RIC1: variants seen among roughly 807,000 people sequenced by gnomAD.
RIC1 encodes the protein RIC1 partner of RAB6A GEF complex, also known as guanine nucleotide exchange factor subunit RIC1.
RIC1 carries 88 observed loss-of-function variants against 169.0 expected under a neutral mutation model. The observed-to-expected ratio is 0.52, with a 90% CI of 0.44 to 0.62. The LOEUF is 0.62. Ranked by LOEUF, RIC1 falls within the 20% of genes least tolerant of loss-of-function variation. RIC1 has a pLI of 0.00. For synonymous variants in RIC1, 790 were observed against 601.5 expected (o/e 1.31, Z -4.59); for missense variants, 1,877 against 1,725.5 (o/e 1.09, Z -1.56).
chr9:5,629,178 C>G lies in RIC1; in HGVS notation c.-132C>G. On this transcript the variant is annotated 5_prime_UTR_variant, in exon 1 of 26. Coordinates refer to ENST00000414202, the MANE Select transcript of RIC1 (RefSeq NM_020829.4). ...CGTCGGCCCGGCCCGGCCAGGCCAG[C>G]GGGCAGATGCCCCGAGCTGCCGCCG... The G allele has an allele frequency of 1.0e-5, 9 of 891,974 alleles. No homozygotes were observed. Among genetic ancestry groups the G allele is most frequent in the Non-Finnish European group, 1.3e-5 (9 of 669,710 alleles). 55.3% of individuals were successfully genotyped at this position (891,974 alleles called of 1,614,324 possible).
intron 25 of RIC1, 41 bp from the exon 26 acceptor site, chr9:5,773,917 G>C: frequency 6.6e-7 from 1 of 1,513,024 alleles, no homozygotes; most frequent in Non-Finnish European, 8.9e-7. Flanking sequence ...CAAACCTTTT[G>C]AATTATGGCA....
intron 1 of RIC1, among the ~76,000 whole-genome samples, chr9:5,656,323 T>C (rs1025544678): frequency 2.0e-5 from 3 of 152,208 alleles, no homozygotes; most frequent in Non-Finnish European, 4.4e-5. Context: ...ACTTCACCTA[T>C]GAACACATTT....
chr9:5,723,184 G>C (rs1014181134), intron 6 of RIC1, among the ~76,000 whole-genome samples: 8 of 152,228 alleles, frequency 5.3e-5, no homozygotes, highest in African/African-American at 1.9e-4. Flanking sequence ...CAGTGTAAAA[G>C]TATTCCTATT....
At chr9:5,733,552 C>T (rs768711364) in intron 7 of RIC1, among the ~76,000 whole-genome samples, 73 of 152,094 alleles carry the variant, frequency 4.8e-4, no homozygotes, top group Non-Finnish European at 6.6e-4. Context: ...CGTGAGCCAC[C>T]GTGCCCGGCC....
At chr9:5,632,331 A>G (rs1284190608) in intron 1 of RIC1, among the ~76,000 whole-genome samples, 1 of 152,204 alleles carries the variant, frequency 6.6e-6, no homozygotes, top group Non-Finnish European at 1.5e-5. Flanking sequence ...ATAAGACTGA[A>G]TCTCTATTAA....
chr9:5,759,232 A>T (rs1222988287), intron 17 of RIC1, among the ~76,000 whole-genome samples: 1 of 152,252 alleles, frequency 6.6e-6, no homozygotes, highest in Admixed American at 6.5e-5. Flanking sequence ...CTGAGGAACT[A>T]ATCAGTCTTA....
intron 5 of RIC1, 130 bp from the exon 6 acceptor site, chr9:5,720,484 C>A: frequency 1.7e-6 from 2 of 1,154,528 alleles, no homozygotes; most frequent in Non-Finnish European, 2.4e-6. Context: ...TAGGAAAGGA[C>A]AGTTTAATTA....
Position 5,701,206 on chromosome 9 carries a change from T to C in RIC1, c.332+11168T>C, listed in dbSNP as rs993373145. On this transcript the variant is annotated intron_variant, in intron 3 of 25. Transcript: ENST00000414202. ...AAAAGCTCTGAATGTTTTTTTTCTT[T>C]CATGAGTGGATGTGTACATAGCACT... Among the ~76,000 whole-genome samples, 18 of 152,376 alleles carry C rather than the reference T, an allele frequency of 1.2e-4. No individual in the cohort carries two copies. The South Asian group carries it at 1.4e-3, about 12-fold the overall frequency.
At position 5,750,911 on chromosome 9, in the gene RIC1, T is replaced by C. The variant is rs532791029; in HGVS notation, c.1453-2289T>C. On this transcript the variant is annotated intron_variant, in intron 12 of 25. Transcript: ENST00000414202. ...ATACATAGTATCTTTAGACACAAACTGCATGAAAAATAAAGCTTCATTCTA... is the reference window on the plus strand; with the variant it reads ...ATACATAGTATCTTTAGACACAAACCGCATGAAAAATAAAGCTTCATTCTA... 3.9e-5 allele frequency among the ~76,000 whole-genome samples: 6 copies of C among 152,022 alleles called. 1 individual carries two copies. Among genetic ancestry groups the C allele is most frequent in the African/African-American group, 1.5e-4 (6 of 41,290 alleles).
At chr9:5,720,118 T>A (rs1488365420) in intron 4 of RIC1, 64 bp from the exon 5 acceptor site, 1 of 1,345,500 alleles carries the variant, frequency 7.4e-7, no homozygotes, top group Non-Finnish European at 1.0e-6. Flanking sequence ...TAAAGCAGTT[T>A]TAATATTCAT....
In RIC1 at chr9:5,657,981, A is replaced by G. The variant is rs550965591; in HGVS notation, c.252+1291A>G. On this transcript the variant is annotated intron_variant, in intron 2 of 25. Coordinates refer to ENST00000414202, the MANE Select transcript of RIC1 (RefSeq NM_020829.4). Reference sequence around the variant, plus strand: ...GTAACTTCTTTCAAGCTACAATAGCAGATTGAATTGAAGTTCTTACAGCAA... The same window carrying G: ...GTAACTTCTTTCAAGCTACAATAGCGGATTGAATTGAAGTTCTTACAGCAA... Among the ~76,000 whole-genome samples the G allele has an allele frequency of 3.9e-5, 6 of 152,276 alleles. No individual in the cohort carries two copies. The South Asian group carries it at 8.3e-4, about 21-fold the overall frequency.
intron 19 of RIC1, among the ~76,000 whole-genome samples, chr9:5,764,218 T>G (rs1826529599): frequency 6.6e-6 from 1 of 152,204 alleles, no homozygotes; most frequent in Admixed American, 6.5e-5. Flanking sequence ...ATAAGAAACA[T>G]AGCAAAGAAA....
chr9:5,733,420 T>C (rs897603993), intron 7 of RIC1, among the ~76,000 whole-genome samples: 4 of 151,936 alleles, frequency 2.6e-5, no homozygotes, highest in Non-Finnish European at 5.9e-5. Context: ...CCCACCACCA[T>C]GCCCAGCTAA....
At chr9:5,680,232 A>ATT (rs1466011958) in intron 2 of RIC1, among the ~76,000 whole-genome samples, 1 of 152,132 alleles carries the variant, frequency 6.6e-6, no homozygotes, top group Non-Finnish European at 1.5e-5. Context: ...GTGCTGCTGG[A>ATT]TTCAGTTTGC....
At chr9:5,710,893 TA>T (rs1822891497) in intron 3 of RIC1, among the ~76,000 whole-genome samples, 1 of 151,848 alleles carries the variant, frequency 6.6e-6, no homozygotes, top group Non-Finnish European at 1.5e-5. Flanking sequence ...AAGACAAGAA[TA>T]AGAGAGAAAA....
At chr9:5,649,279 C>T (rs1162276944) in intron 1 of RIC1, among the ~76,000 whole-genome samples, 5 of 152,110 alleles carry the variant, frequency 3.3e-5, no homozygotes, top group Admixed American at 2.6e-4. Context: ...CCTGAATGTC[C>T]ATTGGTTCTT....
chr9:5,664,215 C>T (rs558850036), intron 2 of RIC1, among the ~76,000 whole-genome samples: 1 of 152,186 alleles, frequency 6.6e-6, no homozygotes, highest in Non-Finnish European at 1.5e-5. Context: ...CGACACCATC[C>T]TGGCCAACAT....
chr9:5,657,733 C>T (rs1819185194), intron 2 of RIC1, among the ~76,000 whole-genome samples: 1 of 152,020 alleles, frequency 6.6e-6, no homozygotes, highest in Non-Finnish European at 1.5e-5. Flanking sequence ...TCTACGCTTC[C>T]TATAGCAGGA....
At chr9:5,689,930 A>T in intron 2 of RIC1, 29 bp from the exon 3 acceptor site, 2 of 1,445,690 alleles carry the variant, frequency 1.4e-6, no homozygotes, top group Non-Finnish European at 1.9e-6. Context: ...TTACTCTTTA[A>T]TTCATGATTA....
Sources: allele counts gnomAD v4.1 joint callset (sites outside exome capture counted in the v4.1 genomes callset), GRCh38; gene constraint gnomAD v4.1.1; transcripts MANE v1.5; gene names NCBI Gene and HGNC (gene_info 2026-07-23, HGNC 2026-07-21).